CMTM5: variants seen among roughly 807,000 people sequenced by gnomAD.
The protein encoded by CMTM5 is CKLF-like MARVEL transmembrane domain-containing protein 5.
CMTM5 carries 25 observed loss-of-function variants against 26.9 expected under a neutral mutation model. That is an observed-to-expected ratio of 0.93 (90% CI 0.68 to 1.30). CMTM5 has a LOEUF of 1.30. Ranked by LOEUF, CMTM5 falls within the 50% of genes most tolerant of loss-of-function variation. The probability of loss-of-function intolerance (pLI) is 0.00; values close to 1 mark genes in which losing one functional copy is unlikely to be tolerated. For synonymous variants in CMTM5, 98 were observed against 115.5 expected, an observed-to-expected ratio of 0.85 and a Z score of 0.97; for missense variants, 292 against 289.6, an observed-to-expected ratio of 1.01 and a Z score of -0.06.
At position 23,379,708 on chromosome 14, in the gene CMTM5, A is replaced by AG. The variant is rs892441174; in HGVS notation, c.*228dup. 10 of 398,942 alleles carry AG rather than the reference A, an allele frequency of 2.5e-5. No individual in the cohort carries two copies. Among genetic ancestry groups the AG allele is most frequent in the Middle Eastern group, 8.3e-4 (1 of 1,198 alleles). The allele number at this position is 398,942 out of a possible 1,614,324, so 24.7% of individuals were successfully genotyped here. Reference sequence around the variant, plus strand: ...CCAGAGGAGGGGAACTTATTGGGGGAGGGGGGGTGGAGGGGAGGAATCTGG... The same window carrying AG: ...CCAGAGGAGGGGAACTTATTGGGGGAGGGGGGGGTGGAGGGGAGGAATCTGG... On this transcript the variant is annotated 3_prime_UTR_variant, in exon 6 of 6. Transcript: ENST00000339180.
In CMTM5 at chr14:23,379,390, G is replaced by A. The variant is rs776085461; in HGVS notation, c.658+7G>A. On this transcript the variant is annotated splice_region_variant and intron_variant, in intron 5 of 5. Coordinates refer to ENST00000339180, the MANE Select transcript of CMTM5 (RefSeq NM_001288746.2). ...GCACCCGGGGCCAGCCAGGGTGAGT[G>A]CCTGTGCTCTGTGGAGAGGAGATGC... 2 of 1,614,170 alleles carry A rather than the reference G, an allele frequency of 1.2e-6. No individual in the cohort carries two copies. Among genetic ancestry groups the A allele is most frequent in the East Asian group, 2.2e-5 (1 of 44,886 alleles).
At position 23,377,293 on chromosome 14, in the gene CMTM5, G is replaced by C. The variant is rs1364261643; in HGVS notation, c.42G>C (p.Glu14Asp). 6.2e-7 allele frequency: 1 copy of C among 1,612,234 alleles called. No individual in the cohort carries two copies. The highest frequency in any genetic ancestry group is 8.5e-7 in the Non-Finnish European group (1 of 1,179,278). Residue 14 changes from glutamate (E) to aspartate (D), a missense_variant, in exon 1 of 6, where the codon GAG becomes GAC. By Grantham distance (45) the Glu-to-Asp change is conservative. Coordinates refer to ENST00000339180, the MANE Select transcript of CMTM5 (RefSeq NM_001288746.2). This position sits in a 1 kb window ranked among gnomAD's most constrained non-coding sequence, Gnocchi z 4.6. The stretch of plus-strand genomic sequence containing the variant: ...ATCGCCGGGACCGGCACCCTGAGGA[G>C]GGGGTAGTTGCAGAGCTCCAGGGCT... The part of the protein sequence containing the change: ...ARDRRDRHPE[E>D]GVVAELQGFA...
rs770656676 is a variant in CMTM5 at position 23,378,893 on chromosome 14, T to C, written c.480+24T>C. On this transcript the variant is annotated intron_variant, in intron 3 of 5. Coordinates refer to ENST00000339180, the MANE Select transcript of CMTM5 (RefSeq NM_001288746.2). This position sits in a 1 kb window ranked among gnomAD's most constrained non-coding sequence, Gnocchi z 4.2. ...GTGTGAGCGCTCTGTCTCTTGAATGTGCTTCATATTGTGTGAGGGGTATCC... is the reference window on the plus strand; with the variant it reads ...GTGTGAGCGCTCTGTCTCTTGAATGCGCTTCATATTGTGTGAGGGGTATCC... The C allele has an allele frequency of 6.2e-7, 1 of 1,611,756 alleles. No homozygotes were observed. The highest frequency in any genetic ancestry group is 8.5e-7 in the Non-Finnish European group (1 of 1,178,672).
rs772534794 is a variant in CMTM5 at position 23,379,476 on chromosome 14, G to T, written c.661G>T (p.Asp221Tyr). ...TEMAPGASQG[D>Y]QQ The stretch of plus-strand genomic sequence containing the variant: ...CCTACCTGGCTCTATCCTCACAGGG[G>T]ACCAGCAGTGACTCTGGGGCTACCT... The change falls in exon 6 of 6, where the codon GAC becomes TAC. Residue 221 changes from aspartate to tyrosine, a missense_variant and splice_region_variant. Coordinates refer to ENST00000339180, the MANE Select transcript of CMTM5 (RefSeq NM_001288746.2). 8.1e-6 allele frequency: 13 copies of T among 1,613,776 alleles called. No homozygotes were observed. In the Admixed American group the frequency reaches 2.2e-4, roughly 27 times the overall value.
chr14:23,378,390 C>T lies in CMTM5; in HGVS notation c.168C>T (p.Ile56=). Residue 56 remains isoleucine (I), a synonymous_variant, in exon 2 of 6, where the codon ATC becomes ATT. Transcript: ENST00000339180. The surrounding 1 kb of genome is among the most constrained non-coding windows in gnomAD (Gnocchi z 4.2). The part of the protein sequence containing the change: ...LIIFICFTAS[I]SAYMAAALLE... ...TCTTCATCTGCTTCACGGCCTCCATCTCTGCCTACATGGCCGCGGCGCTAC... is the reference window on the plus strand; with the variant it reads ...TCTTCATCTGCTTCACGGCCTCCATTTCTGCCTACATGGCCGCGGCGCTAC... The T allele has an allele frequency of 1.2e-6, 2 of 1,614,140 alleles. No individual in the cohort carries two copies. The highest frequency in any genetic ancestry group is 1.7e-6 in the Non-Finnish European group (2 of 1,180,008).
chr14:23,378,249 G>T lies in CMTM5; in HGVS notation c.127-100G>T. 1 of 1,304,258 alleles carries T rather than the reference G, an allele frequency of 7.7e-7. No individual in the cohort carries two copies. The highest frequency in any genetic ancestry group is 1.4e-5 in the South Asian group (1 of 73,218). The allele number at this position is 1,304,258 out of a possible 1,614,324, so 80.8% of individuals were successfully genotyped here. A position where few individuals can be genotyped will look rare whatever the true frequency, so the allele number is the denominator to read the frequency against. On this transcript the variant is annotated intron_variant, in intron 1 of 5. Transcript: ENST00000339180. This position sits in a 1 kb window ranked among gnomAD's most constrained non-coding sequence, Gnocchi z 4.2. Reference sequence around the variant, plus strand: ...CCTTCCTCCCCTCCAAGGACAGGTAGTAGGTGCCAGCCTAGGGGAGCTTCC... The same window carrying T: ...CCTTCCTCCCCTCCAAGGACAGGTATTAGGTGCCAGCCTAGGGGAGCTTCC...
Position 23,379,484 on chromosome 14 carries a change from G to A in CMTM5, c.669G>A (p.Gln223=). The stretch of plus-strand genomic sequence containing the variant: ...GCTCTATCCTCACAGGGGACCAGCA[G>A]TGACTCTGGGGCTACCTGGCTCCTA... The part of the protein sequence containing the change: ...MAPGASQGDQ[Q] The change falls in exon 6 of 6, where the codon CAG becomes CAA. Residue 223 remains glutamine, a synonymous_variant. Transcript: ENST00000339180. 6.2e-7 allele frequency: 1 copy of A among 1,613,904 alleles called. No homozygotes were observed. Among genetic ancestry groups the A allele is most frequent in the Non-Finnish European group, 8.5e-7 (1 of 1,180,034 alleles).
At chr14:23,377,017 A>T (rs1185594925), upstream of CMTM5, 1 of 544,774 alleles carries the variant, frequency 1.8e-6, no homozygotes, top group Non-Finnish European at 3.2e-6. The surrounding 1 kb of genome is among the most constrained non-coding windows in gnomAD (Gnocchi z 4.6). Context: ...ATGGGTCTCT[A>T]GGGGGCTGGT....
chr14:23,378,306 C>T lies in CMTM5; in HGVS notation c.127-43C>T, dbSNP rs1890671270. 1.2e-6 allele frequency: 2 copies of T among 1,608,220 alleles called. No individual in the cohort carries two copies. Among genetic ancestry groups the T allele is most frequent in the Admixed American group, 1.7e-5 (1 of 59,718 alleles). ...GGGAAGGCAAAGCCCTGGCCCCTGC[C>T]TGTGTCCCCTTCTTGGCATGTTCCA... On this transcript the variant is annotated intron_variant, in intron 1 of 5. Transcript: ENST00000339180. The surrounding 1 kb of genome is among the most constrained non-coding windows in gnomAD (Gnocchi z 4.2).
chr14:23,378,533 G>A lies in CMTM5; in HGVS notation c.279+32G>A. The A allele has an allele frequency of 6.2e-7, 1 of 1,613,728 alleles. No individual in the cohort carries two copies. Reference sequence around the variant, plus strand: ...AACCCTGACCCCTAGCCCAGTTTGGGGCCCTTCCCTCTCCTCTAAATGATG... The same window carrying A: ...AACCCTGACCCCTAGCCCAGTTTGGAGCCCTTCCCTCTCCTCTAAATGATG... On this transcript the variant is annotated intron_variant, in intron 2 of 5. Coordinates refer to ENST00000339180, the MANE Select transcript of CMTM5 (RefSeq NM_001288746.2). This position sits in a 1 kb window ranked among gnomAD's most constrained non-coding sequence, Gnocchi z 4.2.
Position 23,379,612 on chromosome 14 carries a change from G to T in CMTM5, c.*125G>T. On this transcript the variant is annotated 3_prime_UTR_variant, in exon 6 of 6. Transcript: ENST00000339180. ...CACCCCAGCCCTACACAGCAGTCTGGCCTGAGACGTCACTGGGGACTTATC... is the reference window on the plus strand; with the variant it reads ...CACCCCAGCCCTACACAGCAGTCTGTCCTGAGACGTCACTGGGGACTTATC... The T allele has an allele frequency of 6.5e-7, 1 of 1,528,762 alleles. No homozygotes were observed. Among genetic ancestry groups the T allele is most frequent in the South Asian group, 1.2e-5 (1 of 82,924 alleles). 94.7% of individuals were successfully genotyped at this position (1,528,762 alleles called of 1,614,324 possible). A position where few individuals can be genotyped will look rare whatever the true frequency, so the allele number is the denominator to read the frequency against.
rs930495746 is a variant in CMTM5, at chr14:23,377,315, G to A, written c.64G>A (p.Gly22Ser). The A allele has an allele frequency of 1.2e-6, 2 of 1,611,118 alleles. No homozygotes were observed. The highest frequency in any genetic ancestry group is 3.3e-5 in the Admixed American group (2 of 59,728). Residue 22 changes from glycine to serine, a missense_variant, in exon 1 of 6, where the codon GGC becomes AGC. Physicochemically the swap from Gly to Ser is moderately conservative, Grantham distance 56 (BLOSUM62 0). Transcript: ENST00000339180. The surrounding 1 kb of genome is among the most constrained non-coding windows in gnomAD (Gnocchi z 4.6). Reference sequence around the variant, plus strand: ...GGAGGGGGTAGTTGCAGAGCTCCAGGGCTTCGCGGTGGACAAGGCCTTCCT... The same window carrying A: ...GGAGGGGGTAGTTGCAGAGCTCCAGAGCTTCGCGGTGGACAAGGCCTTCCT... ...PEEGVVAELQ[G>S]FAVDKAFLTS...
rs2138568651 is a variant in CMTM5, at chr14:23,378,350, C to T, written c.128C>T (p.Ala43Val). ...TGTTCCACATGCTCGGTCCTGCAGG[C>T]CCTGACCCTCATCATCTTCATCTGC... Reference protein sequence around the residue: ...HKGILLETELALTLIIFICFT... With the variant: ...HKGILLETELVLTLIIFICFT... Residue 43 changes from alanine (A) to valine (V), a missense_variant and splice_region_variant, in exon 2 of 6, where the codon GCC (alanine) becomes GTC (valine). Coordinates refer to ENST00000339180, the MANE Select transcript of CMTM5 (RefSeq NM_001288746.2). This position sits in a 1 kb window ranked among gnomAD's most constrained non-coding sequence, Gnocchi z 4.2. The T allele has an allele frequency of 2.5e-6, 4 of 1,613,960 alleles. No individual in the cohort carries two copies. Among genetic ancestry groups the T allele is most frequent in the Middle Eastern group, 1.7e-4 (1 of 6,058 alleles).
chr14:23,378,182 C>T lies in CMTM5; in HGVS notation c.127-167C>T, dbSNP rs903838916. On this transcript the variant is annotated intron_variant, in intron 1 of 5. Coordinates refer to ENST00000339180, the MANE Select transcript of CMTM5 (RefSeq NM_001288746.2). The surrounding 1 kb of genome is among the most constrained non-coding windows in gnomAD (Gnocchi z 4.2). ...CCCTTGACCGGCAAATGCCCTGCAA[C>T]GGTGGCTCCTGACACCAGGGGATAG... 22 of 714,908 alleles carry T rather than the reference C, an allele frequency of 3.1e-5. No homozygotes were observed. Among genetic ancestry groups the T allele is most frequent in the Middle Eastern group, 3.9e-4 (1 of 2,560 alleles). 44.3% of individuals were successfully genotyped at this position (714,908 alleles called of 1,614,324 possible). A position where few individuals can be genotyped will look rare whatever the true frequency, so the allele number is the denominator to read the frequency against.
rs1045130142 is a variant in CMTM5, at chr14:23,378,165, C to T, written c.127-184C>T. 42 of 666,980 alleles carry T rather than the reference C, an allele frequency of 6.3e-5. No homozygotes were observed. Among genetic ancestry groups the T allele is most frequent in the Middle Eastern group, 8.3e-4 (2 of 2,406 alleles). The allele number at this position is 666,980 out of a possible 1,614,324, so 41.3% of individuals were successfully genotyped here. On this transcript the variant is annotated intron_variant, in intron 1 of 5. Coordinates refer to ENST00000339180, the MANE Select transcript of CMTM5 (RefSeq NM_001288746.2). This position sits in a 1 kb window ranked among gnomAD's most constrained non-coding sequence, Gnocchi z 4.2. ...TGGGAGGCCGGAGACTGCCCTTGAC[C>T]GGCAAATGCCCTGCAACGGTGGCTC...
Position 23,379,501 on chromosome 14 carries a change from T to C in CMTM5, c.*14T>C, listed in dbSNP as rs765364256. 2.5e-6 allele frequency: 4 copies of C among 1,613,460 alleles called. No individual in the cohort carries two copies. The South Asian group carries it at 4.4e-5, about 18-fold the overall frequency. On this transcript the variant is annotated 3_prime_UTR_variant, in exon 6 of 6. Coordinates refer to ENST00000339180, the MANE Select transcript of CMTM5 (RefSeq NM_001288746.2). ...GACCAGCAGTGACTCTGGGGCTACCTGGCTCCTAGGCCCAGCCAGCCAGAG... is the reference window on the plus strand; with the variant it reads ...GACCAGCAGTGACTCTGGGGCTACCCGGCTCCTAGGCCCAGCCAGCCAGAG...
intron 4 of CMTM5, 75 bp downstream of exon 4, chr14:23,379,198 G>A (rs940219564): frequency 1.9e-6 from 3 of 1,598,746 alleles, no homozygotes; most frequent in Middle Eastern, 1.7e-4. Flanking sequence ...TGTATCAGAA[G>A]CCACAGCCAG....
In CMTM5 at chr14:23,379,060, C is replaced by T; in HGVS notation, c.510C>T (p.Ile170=). Residue 170 remains isoleucine, a synonymous_variant, in exon 4 of 6, where the codon ATC becomes ATT. Transcript: ENST00000339180. ...TCCTGCGCTGTGTCAGTGCCATCAT[C>T]ATCTTCCTGGTGGTCTCCTTTGCAG... is the stretch of plus-strand genomic sequence containing the variant. ...SDFLRCVSAI[I]IFLVVSFAAV... 6.2e-7 allele frequency: 1 copy of T among 1,614,152 alleles called. No individual in the cohort carries two copies. Among genetic ancestry groups the T allele is most frequent in the Non-Finnish European group, 8.5e-7 (1 of 1,180,026 alleles).
rs1566500871 is a variant in CMTM5, at chr14:23,378,915, A to AAATTGCC, written c.480+46_480+47insAATTGCC. 6.2e-7 allele frequency: 1 copy of AAATTGCC among 1,608,374 alleles called. No homozygotes were observed. Among genetic ancestry groups the AAATTGCC allele is most frequent in the South Asian group, 1.1e-5 (1 of 90,596 alleles). Reference sequence around the variant, plus strand: ...ATGTGCTTCATATTGTGTGAGGGGTATCCTATGGAGGGGTTCAGAATCCCT... The same window carrying AAATTGCC: ...ATGTGCTTCATATTGTGTGAGGGGTAAATTGCCTCCTATGGAGGGGTTCAGAATCCCT... On this transcript the variant is annotated intron_variant, in intron 3 of 5. Transcript: ENST00000339180. This position sits in a 1 kb window ranked among gnomAD's most constrained non-coding sequence, Gnocchi z 4.2.
Sources: gnomAD v4.1 joint callset for allele counts on GRCh38, gnomAD v4.1.1 for gene constraint, Gnocchi (gnomAD v3.1) non-coding constraint, MANE v1.5 for transcripts, NCBI Gene and HGNC (gene_info 2026-07-23, HGNC 2026-07-21) for gene names.